GRAMD4: variants seen among roughly 807,000 people sequenced by gnomAD.
GRAMD4 encodes GRAM domain-containing protein 4.
A neutral mutation model predicts 83.9 loss-of-function variants in GRAMD4; 25 were observed. The ratio of observed to expected loss-of-function variants is 0.30; its 90% CI spans 0.22 to 0.42. The LOEUF is 0.42. Ranked by LOEUF, GRAMD4 falls within the 10% of genes least tolerant of loss-of-function variation. GRAMD4 has a pLI of 1.00. For missense variants in GRAMD4, 593 were observed against 788.7 expected (o/e 0.75, Z 2.97); for synonymous variants, 336 against 320.9 (o/e 1.05, Z -0.50).
intron 2 of GRAMD4, among the ~76,000 whole-genome samples, chr22:46,637,510 A>G (rs1169904564): frequency 2.0e-5 from 3 of 152,136 alleles, no homozygotes; most frequent in Non-Finnish European, 4.4e-5. Context: ...AAGTGCTGGG[A>G]TTACAGGTGT....
At chr22:46,623,271 C>A (rs1238678947) in intron 1 of GRAMD4, among the ~76,000 whole-genome samples, 2 of 152,236 alleles carry the variant, frequency 1.3e-5, no homozygotes, top group East Asian at 3.8e-4. Context: ...GCCTCCACTT[C>A]TTGAGCTTGG....
chr22:46,681,415 A>T (rs1462556893), downstream of GRAMD4, among the ~76,000 whole-genome samples: 1 of 152,238 alleles, frequency 6.6e-6, no homozygotes, highest in Non-Finnish European at 1.5e-5. Context: ...GGTGATTGTG[A>T]TAACTATTTC....
At chr22:46,665,919 G>A (rs2082401792) in intron 9 of GRAMD4, among the ~76,000 whole-genome samples, 1 of 152,222 alleles carries the variant, frequency 6.6e-6, no homozygotes, top group African/African-American at 2.4e-5. Context: ...AAATCCCCCA[G>A]CAGCTCCTTC....
intron 1 of GRAMD4, among the ~76,000 whole-genome samples, chr22:46,586,098 C>T (rs531254882): frequency 6.6e-6 from 1 of 152,148 alleles, no homozygotes; most frequent in South Asian, 2.1e-4. Flanking sequence ...TGGCCTGGCT[C>T]CCCCAGTCTG....
At chr22:46,581,106 A>G (rs797017677) in intron 1 of GRAMD4, among the ~76,000 whole-genome samples, 9 of 152,290 alleles carry the variant, frequency 5.9e-5, no homozygotes, top group African/African-American at 2.2e-4. Flanking sequence ...ATTCGCCACT[A>G]ATGACAGTCC....
chr22:46,648,318 G>GTGGATGGATGGA lies in GRAMD4; in HGVS notation c.284-9838_284-9827dup, dbSNP rs141700422. 4.1e-5 allele frequency among the ~76,000 whole-genome samples: 6 copies of GTGGATGGATGGA among 146,836 alleles called. No individual in the cohort carries two copies. In the East Asian group the frequency reaches 6.2e-4, roughly 15 times the overall value. ...GATGGGTTGATGAACAGACAAGTGA[G>GTGGATGGATGGA]TGGATGGATGGATGGATGGATGGAT... On this transcript the variant is annotated intron_variant, in intron 3 of 18. Coordinates refer to ENST00000406902, the MANE Select transcript of GRAMD4 (RefSeq NM_015124.5).
At position 46,677,699 on chromosome 22, in the gene GRAMD4, T is replaced by A; in HGVS notation, c.*448T>A. The stretch of plus-strand genomic sequence containing the variant: ...CTGAAGAGTGCGGGGCCCTTCCTCC[T>A]GGGGACAGAAAGATGTCGTCAAGGA... On this transcript the variant is annotated 3_prime_UTR_variant, in exon 19 of 19. Transcript: ENST00000406902. 1.0e-6 allele frequency: 1 copy of A among 986,604 alleles called. No homozygotes were observed. Among genetic ancestry groups the A allele is most frequent in the African/African-American group, 1.7e-5 (1 of 57,366 alleles). 61.1% of individuals were successfully genotyped at this position (986,604 alleles called of 1,614,324 possible).
intron 4 of GRAMD4, among the ~76,000 whole-genome samples, chr22:46,660,361 G>A (rs1445829020): frequency 6.6e-6 from 1 of 152,144 alleles, no homozygotes; most frequent in Non-Finnish European, 1.5e-5. Flanking sequence ...GGTGAAGGAA[G>A]AGCAGTCCCA....
At position 46,678,719 on chromosome 22, in the gene GRAMD4, T is replaced by A. The variant is rs955844599; in HGVS notation, c.*1468T>A. ...TGTATCCTTTTTCAGATGTAATTTT[T>A]ATCTTTGCTCCGATCCTCATTTGCT... On this transcript the variant is annotated 3_prime_UTR_variant, in exon 19 of 19. Transcript: ENST00000406902. 8 of 985,654 alleles carry A rather than the reference T, an allele frequency of 8.1e-6. No homozygotes were observed. Among genetic ancestry groups the A allele is most frequent in the Middle Eastern group, 5.2e-4 (1 of 1,940 alleles). 61.1% of individuals were successfully genotyped at this position (985,654 alleles called of 1,614,324 possible). A position where few individuals can be genotyped will look rare whatever the true frequency, so the allele number is the denominator to read the frequency against.
In GRAMD4 at chr22:46,661,410, C is replaced by A. The variant is rs771453482; in HGVS notation, c.434C>A (p.Pro145Gln). The change falls in exon 5 of 19, where the codon CCA (proline) becomes CAA (glutamine). Residue 145 changes from proline (P) to glutamine (Q), a missense_variant. Physicochemically the swap from Pro to Gln is moderately conservative, Grantham distance 76. Transcript: ENST00000406902. Reference sequence around the variant, plus strand: ...GAGGAGCAGATGGCTCAGCAGCCCCCAAAAGGGCAGGCCCAGGCCAGCAAT... The same window carrying A: ...GAGGAGCAGATGGCTCAGCAGCCCCAAAAAGGGCAGGCCCAGGCCAGCAAT... ...RTEEQMAQQPPKGQAQASNGA... is the reference protein window; with the variant it reads ...RTEEQMAQQPQKGQAQASNGA... 6.2e-7 allele frequency: 1 copy of A among 1,602,596 alleles called. No homozygotes were observed. The highest frequency in any genetic ancestry group is 8.5e-7 in the Non-Finnish European group (1 of 1,174,074).
At chr22:46,603,515 CTT>C (rs71192425) in intron 1 of GRAMD4, among the ~76,000 whole-genome samples, 24 of 81,588 alleles carry the variant, frequency 2.9e-4, no homozygotes, top group African/African-American at 9.7e-4. Flanking sequence ...GGCCTCTTCT[CTT>C]TTTTTTTTTT....
chr22:46,673,024 T>C, intron 14 of GRAMD4, 27 bp downstream of exon 14: 1 of 1,515,626 alleles, frequency 6.6e-7, no homozygotes, highest in Admixed American at 2.0e-5. Flanking sequence ...GCTGCGGGGA[T>C]GGGGGGATGG....
At chr22:46,637,615 T>C (rs1275035517) in intron 2 of GRAMD4, among the ~76,000 whole-genome samples, 1 of 152,172 alleles carries the variant, frequency 6.6e-6, no homozygotes, top group African/African-American at 2.4e-5. Context: ...ATGTCCCTGC[T>C]CCCCACAGAG....
At chr22:46,589,911 CA>C (rs1426225576) in intron 1 of GRAMD4, among the ~76,000 whole-genome samples, 2 of 152,176 alleles carry the variant, frequency 1.3e-5, no homozygotes, top group African/African-American at 2.4e-5. Context: ...ACCCTTTCTG[CA>C]GCTTTCTCCC....
intron 3 of GRAMD4, among the ~76,000 whole-genome samples, chr22:46,643,120 C>CATCT (rs2082002283): frequency 1.1e-5 from 1 of 94,402 alleles, no homozygotes; most frequent in African/African-American, 3.4e-5. Context: ...TCCATCCATC[C>CATCT]ATGCATCCAT....
chr22:46,634,804 A>G (rs1161643225), intron 2 of GRAMD4, among the ~76,000 whole-genome samples: 1 of 152,106 alleles, frequency 6.6e-6, no homozygotes, highest in Non-Finnish European at 1.5e-5. Flanking sequence ...TTAGCCAGGT[A>G]TGGTGGCAGG....
chr22:46,640,474 G>A (rs575990511), intron 3 of GRAMD4, among the ~76,000 whole-genome samples: 8 of 152,272 alleles, frequency 5.3e-5, no homozygotes, highest in South Asian at 4.1e-4. Flanking sequence ...GGGCCGAGCA[G>A]ATCCCGGAGG....
At chr22:46,604,863 C>CCGGG (rs1569255419) in intron 1 of GRAMD4, among the ~76,000 whole-genome samples, 4 of 143,268 alleles carry the variant, frequency 2.8e-5, no homozygotes, top group Non-Finnish European at 6.1e-5. Flanking sequence ...ATAATGTTCT[C>CCGGG]TGGGTTCACC....
chr22:46,603,201 GTTTTTTTTTTTTTT>G, intron 1 of GRAMD4, among the ~76,000 whole-genome samples: 1 of 89,426 alleles, frequency 1.1e-5, no homozygotes. Flanking sequence ...ATCTTCTCTT[GTTTTTTTTTTTTTT>G]TTTTTTTTTT....
Sources: allele counts gnomAD v4.1 joint callset (sites outside exome capture counted in the v4.1 genomes callset), GRCh38; gene constraint gnomAD v4.1.1; transcripts MANE v1.5; gene names NCBI Gene and HGNC (gene_info 2026-07-23, HGNC 2026-07-21).